NEMP2: variants seen among roughly 807,000 people sequenced by gnomAD.
NEMP2 encodes the protein nuclear envelope integral membrane protein 2.
Under a neutral mutation model 54.2 loss-of-function variants are expected in NEMP2, and 53 were observed. That is an observed-to-expected ratio of 0.98 (90% CI 0.78 to 1.23). The LOEUF is 1.23. Among genes scored for constraint, NEMP2 ranks in the 50% most tolerant of loss-of-function variants. The probability of loss-of-function intolerance (pLI) is 0.00; values close to 1 mark genes in which losing one functional copy is unlikely to be tolerated. For synonymous variants in NEMP2, 197 were observed against 190.3 expected (o/e 1.04, Z -0.29); for missense variants, 455 against 511.3 (o/e 0.89, Z 1.06).
At chr2:190,546,145 A>G in the NEMP2 span, among the ~76,000 whole-genome samples, 1 of 152,248 alleles carries the variant, frequency 6.6e-6, no homozygotes, top group Admixed American at 6.5e-5. The surrounding 1 kb of genome is among the most constrained non-coding windows in gnomAD (Gnocchi z 5.1). Flanking sequence ...AAATAATTCA[A>G]CAAATACACA....
intron 1 of NEMP2, among the ~76,000 whole-genome samples, chr2:190,532,467 C>A (rs1220079237): frequency 1.3e-5 from 2 of 152,162 alleles, no homozygotes; most frequent in Non-Finnish European, 2.9e-5. Flanking sequence ...CATCTCAGGA[C>A]AACACATGGT....
At chr2:190,454,961 T>C in the NEMP2 span, among the ~76,000 whole-genome samples, 3 of 109,248 alleles carry the variant, frequency 2.7e-5, no homozygotes, top group Non-Finnish European at 6.6e-5. This position sits in a 1 kb window ranked among gnomAD's most constrained non-coding sequence, Gnocchi z 4.6. Context: ...TATGTATATG[T>C]ATATGTATAT....
At chr2:190,440,217 G>GT in the NEMP2 span, among the ~76,000 whole-genome samples, 6 of 152,122 alleles carry the variant, frequency 3.9e-5, no homozygotes, top group African/African-American at 1.2e-4. Flanking sequence ...CCAGAAAATA[G>GT]TTTTTTAAAA....
chr2:190,640,249 A>G, the NEMP2 span, among the ~76,000 whole-genome samples: 1 of 152,184 alleles, frequency 6.6e-6, no homozygotes, highest in East Asian at 1.9e-4. Flanking sequence ...TAAACTTAGC[A>G]TAATATCTTA....
chr2:190,455,701 G>T, the NEMP2 span, among the ~76,000 whole-genome samples: 6 of 151,796 alleles, frequency 4.0e-5, no homozygotes, highest in South Asian at 1.2e-3. Context: ...TAGTATGGAG[G>T]GTGGGCACGG....
the NEMP2 span, among the ~76,000 whole-genome samples, chr2:190,424,500 T>C: frequency 6.6e-6 from 1 of 152,096 alleles, no homozygotes; most frequent in Non-Finnish European, 1.5e-5. This position sits in a 1 kb window ranked among gnomAD's most constrained non-coding sequence, Gnocchi z 5.9. Context: ...CATGCCCAGC[T>C]AATTTTGTAT....
At chr2:190,534,290 A>G in intron 1 of NEMP2, 3 of 1,165,714 alleles carry the variant, frequency 2.6e-6, no homozygotes, top group Non-Finnish European at 3.2e-6. Flanking sequence ...TTGCTTCTGT[A>G]AAACGAGGGA....
the NEMP2 span, among the ~76,000 whole-genome samples, chr2:190,441,087 A>G: frequency 2.6e-5 from 4 of 152,176 alleles, no homozygotes; most frequent in African/African-American, 4.8e-5. Context: ...AAGGAAGATC[A>G]TGCCTACTTT....
At chr2:190,430,343 G>A in the NEMP2 span, among the ~76,000 whole-genome samples, 1 of 151,240 alleles carries the variant, frequency 6.6e-6, no homozygotes, top group Non-Finnish European at 1.5e-5. Context: ...CTAGGCAGAG[G>A]ACCCTGCGGC....
rs908518036 is a variant in NEMP2, at chr2:190,520,133, A to G, written c.214-950T>C. 4.6e-5 allele frequency among the ~76,000 whole-genome samples: 7 copies of G among 152,172 alleles called. No individual in the cohort carries two copies. Among genetic ancestry groups the G allele is most frequent in the African/African-American group, 1.7e-4 (7 of 41,448 alleles). On this transcript the variant is annotated intron_variant, in intron 2 of 8. Transcript: ENST00000409150. The surrounding 1 kb of genome is among the most constrained non-coding windows in gnomAD (Gnocchi z 5.4). ...GTTCTGGAACCAAACCCACAGTCAC[A>G]TTATCTCTGAAGTATGCCTGTAATC...
chr2:190,503,567 A>T (rs968757318), downstream of NEMP2, among the ~76,000 whole-genome samples: 1 of 152,164 alleles, frequency 6.6e-6, no homozygotes, highest in Non-Finnish European at 1.5e-5. The surrounding 1 kb of genome is among the most constrained non-coding windows in gnomAD (Gnocchi z 6.3). Flanking sequence ...GCTTAAGGTT[A>T]TGTTGATTCT....
At chr2:190,570,075 C>G in the NEMP2 span, among the ~76,000 whole-genome samples, 1 of 152,174 alleles carries the variant, frequency 6.6e-6, no homozygotes, top group Non-Finnish European at 1.5e-5. This position sits in a 1 kb window ranked among gnomAD's most constrained non-coding sequence, Gnocchi z 5.4. Context: ...ACAAGAGCAA[C>G]CAAATTGTTT....
the NEMP2 span, among the ~76,000 whole-genome samples, chr2:190,440,487 C>T: frequency 6.6e-6 from 1 of 152,146 alleles, no homozygotes; most frequent in South Asian, 2.1e-4. Context: ...TATTTTTAGG[C>T]TATAAATGAT....
intron 5 of NEMP2, among the ~76,000 whole-genome samples, chr2:190,517,296 T>C (rs115297846): frequency 0.029 from 4,120 of 142,584 alleles, 93 homozygotes; most frequent in Non-Finnish European, 0.039. Context: ...AGCAAAGGGG[T>C]CTCAAAAAAA....
chr2:190,433,761 A>G, the NEMP2 span, among the ~76,000 whole-genome samples: 8 of 152,190 alleles, frequency 5.3e-5, no homozygotes, highest in Admixed American at 3.9e-4. The surrounding 1 kb of genome is among the most constrained non-coding windows in gnomAD (Gnocchi z 4.5). Context: ...TCTACCTAGG[A>G]GCTTTGTAGA....
rs1016337766 is a variant in NEMP2, at chr2:190,504,922, C to T, written c.*4267G>A. ...AATATGTATGGCAAGTTGACATTGTCATGACATGATCATCGTGCTTATATT... is the reference window on the plus strand; with the variant it reads ...AATATGTATGGCAAGTTGACATTGTTATGACATGATCATCGTGCTTATATT... On this transcript the variant is annotated 3_prime_UTR_variant, in exon 9 of 9. Transcript: ENST00000409150. This position sits in a 1 kb window ranked among gnomAD's most constrained non-coding sequence, Gnocchi z 5.6. 37 of 152,212 alleles carry T rather than the reference C, an allele frequency of 2.4e-4. No individual in the cohort carries two copies. Among genetic ancestry groups the T allele is most frequent in the African/African-American group, 8.4e-4 (35 of 41,460 alleles). 9.4% of individuals were successfully genotyped at this position (152,212 alleles called of 1,614,324 possible). A position where few individuals can be genotyped will look rare whatever the true frequency, so the allele number is the denominator to read the frequency against.
the NEMP2 span, among the ~76,000 whole-genome samples, chr2:190,456,687 T>G: frequency 6.6e-6 from 1 of 152,236 alleles, no homozygotes; most frequent in Non-Finnish European, 1.5e-5. This position sits in a 1 kb window ranked among gnomAD's most constrained non-coding sequence, Gnocchi z 5.4. Context: ...CATCCACTTC[T>G]GATTATTTAA....
chr2:190,562,926 C>A, the NEMP2 span, among the ~76,000 whole-genome samples: 9 of 152,136 alleles, frequency 5.9e-5, no homozygotes, highest in Non-Finnish European at 8.8e-5. This position sits in a 1 kb window ranked among gnomAD's most constrained non-coding sequence, Gnocchi z 5.0. Context: ...TGAGATCACC[C>A]TAAAACTATG....
chr2:190,639,088 G>GA, the NEMP2 span, among the ~76,000 whole-genome samples: 1 of 152,110 alleles, frequency 6.6e-6, no homozygotes, highest in Admixed American at 6.5e-5. Flanking sequence ...GATTAATAAG[G>GA]AAAAGAGACT....
Sources: gnomAD v4.1 joint callset for allele counts (sites outside exome capture counted in the v4.1 genomes callset) on GRCh38, gnomAD v4.1.1 for gene constraint, Gnocchi (gnomAD v3.1) non-coding constraint, MANE v1.5 for transcripts, NCBI Gene and HGNC (gene_info 2026-07-23, HGNC 2026-07-21) for gene names.